The following BAZ1A variants were observed in gnomAD, a reference collection of about 807,000 sequenced individuals.
The protein encoded by BAZ1A is bromodomain adjacent to zinc finger domain protein 1A.
BAZ1A carries 50 observed loss-of-function variants against 185.2 expected under a neutral mutation model. The observed-to-expected ratio is 0.27, with a 90% CI of 0.22 to 0.34. BAZ1A has a LOEUF of 0.34. Among genes scored for constraint, BAZ1A ranks in the 10% least tolerant of loss-of-function variants. BAZ1A has a pLI of 1.00. For missense variants in BAZ1A, 1,356 were observed against 1,839.9 expected (o/e 0.74, Z 4.81); for synonymous variants, 571 against 615.6 (o/e 0.93, Z 1.07).
In BAZ1A at chr14:34,839,819, G is replaced by A. The variant is rs370246669; in HGVS notation, c.393-13663C>T. Among the ~76,000 whole-genome samples, 42 of 130,614 alleles carry A rather than the reference G, an allele frequency of 3.2e-4. No homozygotes were observed. In the East Asian group the frequency reaches 6.0e-3, roughly 19 times the overall value. 85.7% of individuals were successfully genotyped at this position (130,614 alleles called of 152,430 possible). A position where few individuals can be genotyped will look rare whatever the true frequency, so the allele number is the denominator to read the frequency against. ...CGTGCCACTGCACTCCAGCCTGGGC[G>A]ACAAAGCGAGCCTCTGTTTCAAAAA... On this transcript the variant is annotated intron_variant, in intron 3 of 26. Transcript: ENST00000360310.
intron 3 of BAZ1A, among the ~76,000 whole-genome samples, chr14:34,833,772 T>C (rs760329958): frequency 3.9e-5 from 6 of 152,094 alleles, no homozygotes; most frequent in Non-Finnish European, 8.8e-5. Context: ...AGTGGTGATA[T>C]TTACACAATA....
In BAZ1A at chr14:34,784,035, G is replaced by C. The variant is rs1413302280; in HGVS notation, c.1832-108C>G. On this transcript the variant is annotated intron_variant, in intron 14 of 26. Transcript: ENST00000360310. The stretch of plus-strand genomic sequence containing the variant: ...GTGAAAATGCCTAATAAAGAATATG[G>C]AGTAGTCTCTCAAACATGTCAATGA... 14 of 993,162 alleles carry C rather than the reference G, an allele frequency of 1.4e-5. No individual in the cohort carries two copies. In the African/African-American group the frequency reaches 2.3e-4, roughly 16 times the overall value. 61.5% of individuals were successfully genotyped at this position (993,162 alleles called of 1,614,324 possible).
intron 4 of BAZ1A, among the ~76,000 whole-genome samples, chr14:34,825,058 C>T (rs573233405): frequency 2.3e-4 from 35 of 152,310 alleles, no homozygotes; most frequent in African/African-American, 8.2e-4. Flanking sequence ...ACCCAGCTGA[C>T]ACAGACCATC....
intron 3 of BAZ1A, among the ~76,000 whole-genome samples, chr14:34,839,840 A>C (rs796891207): frequency 5.7e-5 from 2 of 35,394 alleles, no homozygotes; most frequent in African/African-American, 1.8e-4. Context: ...CCTCTGTTTC[A>C]AAAAAAAAAA....
intron 3 of BAZ1A, among the ~76,000 whole-genome samples, chr14:34,853,306 ATAATAAC>A (rs1472589364): frequency 6.6e-6 from 1 of 152,232 alleles, no homozygotes; most frequent in African/African-American, 2.4e-5. Flanking sequence ...GAACAACTAA[ATAATAAC>A]TAAATCATGC....
intron 21 of BAZ1A, among the ~76,000 whole-genome samples, chr14:34,770,637 A>G (rs895244776): frequency 1.1e-4 from 17 of 152,240 alleles, no homozygotes; most frequent in African/African-American, 4.1e-4. Context: ...TTATGATATA[A>G]ACATTGATTT....
intron 20 of BAZ1A, 65 bp downstream of exon 20, chr14:34,773,503 CAAAA>C (rs10713079): frequency 6.6e-5 from 76 of 1,149,776 alleles, no homozygotes; most frequent in East Asian, 1.4e-4. Flanking sequence ...ACTTAAAAAC[CAAAA>C]AAAAAAAAAA....
intron 21 of BAZ1A, among the ~76,000 whole-genome samples, chr14:34,766,087 G>A (rs560605043): frequency 6.6e-6 from 1 of 152,172 alleles, no homozygotes; most frequent in Admixed American, 6.6e-5. Flanking sequence ...GCTCTGAGGT[G>A]AGTACTGGCT....
intron 2 of BAZ1A, among the ~76,000 whole-genome samples, chr14:34,872,941 A>AAAACAAAAAAAAAAAAAAAAACAAC (rs1555346584): frequency 3.3e-5 from 4 of 122,620 alleles, no homozygotes; most frequent in South Asian, 2.7e-4. Context: ...AAAAAAAAAA[A>AAAACAAAAAAAAAAAAAAAAACAAC]CTTGTCCAAT....
chr14:34,873,162 T>A (rs1484515878), intron 2 of BAZ1A, among the ~76,000 whole-genome samples: 1 of 152,108 alleles, frequency 6.6e-6, no homozygotes, highest in East Asian at 1.9e-4. Flanking sequence ...TCAAAGGAAC[T>A]TTTCTAACCT....
At chr14:34,859,809 A>G (rs1313613816) in intron 3 of BAZ1A, among the ~76,000 whole-genome samples, 1 of 152,176 alleles carries the variant, frequency 6.6e-6, no homozygotes, top group Non-Finnish European at 1.5e-5. Context: ...AACCTTAAGG[A>G]TATATTAGTA....
intron 3 of BAZ1A, among the ~76,000 whole-genome samples, chr14:34,832,189 T>TACACAC (rs1279966806): frequency 9.1e-5 from 6 of 65,946 alleles, no homozygotes; most frequent in African/African-American, 3.1e-4. Flanking sequence ...CATATATACA[T>TACACAC]ATACACACAC....
At chr14:34,828,017 G>A (rs933026241) in intron 3 of BAZ1A, among the ~76,000 whole-genome samples, 2 of 151,890 alleles carry the variant, frequency 1.3e-5, no homozygotes, top group African/African-American at 2.4e-5. Flanking sequence ...TTAATCGGCC[G>A]GGTGTGGTGG....
In BAZ1A at chr14:34,865,108, T is replaced by A. The variant is rs1161635519; in HGVS notation, c.114-2786A>T. On this transcript the variant is annotated intron_variant, in intron 2 of 26. Transcript: ENST00000360310. ...TTTTTTTTAAGTGTAAAAAGCCCAC[T>A]GTGGTAGCATGAGCCTGTAATTCGA... is the stretch of plus-strand genomic sequence containing the variant. Among the ~76,000 whole-genome samples, 3 of 151,942 alleles carry A rather than the reference T, an allele frequency of 2.0e-5. No homozygotes were observed. In the East Asian group the frequency reaches 5.8e-4, roughly 29 times the overall value.
At chr14:34,865,563 C>T (rs1478267042) in intron 2 of BAZ1A, among the ~76,000 whole-genome samples, 1 of 152,056 alleles carries the variant, frequency 6.6e-6, no homozygotes, top group Non-Finnish European at 1.5e-5. Flanking sequence ...CTTTGTACAT[C>T]TCTATAGAAC....
chr14:34,829,417 A>T (rs75802557), intron 3 of BAZ1A, among the ~76,000 whole-genome samples: 1,904 of 151,486 alleles, frequency 0.013, 41 homozygotes, highest in African/African-American at 0.043. Flanking sequence ...AATAAAAATA[A>T]AAAAAAAGAC....
At chr14:34,873,642 C>T (rs1467946435) in intron 2 of BAZ1A, among the ~76,000 whole-genome samples, 2 of 152,216 alleles carry the variant, frequency 1.3e-5, no homozygotes. Context: ...ACCTCCACCG[C>T]GCTTCCCGGC....
chr14:34,841,637 C>T (rs1226679430), intron 3 of BAZ1A, among the ~76,000 whole-genome samples: 2 of 152,180 alleles, frequency 1.3e-5, no homozygotes, highest in East Asian at 3.9e-4. Flanking sequence ...ACACCTGCCT[C>T]GGCCTTGCAA....
chr14:34,763,490 G>A (rs568720295), intron 23 of BAZ1A, among the ~76,000 whole-genome samples: 4 of 151,766 alleles, frequency 2.6e-5, no homozygotes, highest in Non-Finnish European at 5.9e-5. Flanking sequence ...TCCCTGATAT[G>A]ACTGGCTATG....
Sources: gnomAD v4.1 joint callset for allele counts (sites outside exome capture counted in the v4.1 genomes callset) on GRCh38, gnomAD v4.1.1 for gene constraint, MANE v1.5 for transcripts, NCBI Gene and HGNC (gene_info 2026-07-23, HGNC 2026-07-21) for gene names.